The following SNTG1 variants were observed in gnomAD, a reference collection of about 807,000 sequenced individuals.
The protein encoded by SNTG1 is gamma-1-syntrophin.
In SNTG1, 39 loss-of-function variants were observed where a neutral mutation model predicts 74.7. The observed-to-expected ratio is 0.52, with a 90% confidence interval of 0.40 to 0.68. The LOEUF (loss-of-function observed/expected upper bound fraction) is 0.68, where lower values mean the gene tolerates loss of function less well. SNTG1 is among the 30% of genes least tolerant of loss of function. The probability of loss-of-function intolerance (pLI) is 0.00; values close to 1 mark genes in which losing one functional copy is unlikely to be tolerated. For missense variants in SNTG1, 685 were observed against 609.5 expected, an observed-to-expected ratio of 1.12 and a Z score of -1.30; for synonymous variants, 254 against 217.1, an observed-to-expected ratio of 1.17 and a Z score of -1.49.
At chr8:50,075,982 C>G (rs1232148209) in intron 1 of SNTG1, among the ~76,000 whole-genome samples, 6 of 152,186 alleles carry the variant, frequency 3.9e-5, no homozygotes, top group Admixed American at 3.9e-4. Context: ...TTCTTGAAGT[C>G]AGTGAGACCA....
chr8:50,651,936 G>A (rs992554207), intron 13 of SNTG1, among the ~76,000 whole-genome samples: 19 of 151,556 alleles, frequency 1.3e-4, no homozygotes, highest in Admixed American at 1.1e-3. Flanking sequence ...TTTTAGTAGA[G>A]ATGGGGTTTC....
intron 12 of SNTG1, among the ~76,000 whole-genome samples, chr8:50,578,568 T>C (rs2094590004): frequency 6.6e-6 from 1 of 152,200 alleles, no homozygotes; most frequent in African/African-American, 2.4e-5. Context: ...TTATAGTTCC[T>C]ATAATGCCCA....
chr8:50,681,426 A>G (rs1365170952), intron 15 of SNTG1, among the ~76,000 whole-genome samples: 2 of 152,140 alleles, frequency 1.3e-5, no homozygotes, highest in Non-Finnish European at 1.5e-5. Flanking sequence ...AGTAATGTTA[A>G]GTAAATAAAA....
At chr8:50,401,051 A>G (rs991309884) in intron 3 of SNTG1, among the ~76,000 whole-genome samples, 5 of 152,202 alleles carry the variant, frequency 3.3e-5, no homozygotes, top group African/African-American at 1.2e-4. Flanking sequence ...TCAAAACCTC[A>G]CATTGTTTGC....
At chr8:50,199,197 C>T (rs1421962904) in intron 2 of SNTG1, among the ~76,000 whole-genome samples, 1 of 149,764 alleles carries the variant, frequency 6.7e-6, no homozygotes, top group African/African-American at 2.5e-5. Flanking sequence ...TGTTGAAACA[C>T]AACGATTAGG....
intron 1 of SNTG1, among the ~76,000 whole-genome samples, chr8:50,010,161 T>C (rs901195418): frequency 6.6e-6 from 1 of 152,156 alleles, no homozygotes; most frequent in Admixed American, 6.6e-5. Flanking sequence ...CTCTTAGTAG[T>C]CTCCTCTAAT....
intron 1 of SNTG1, among the ~76,000 whole-genome samples, chr8:50,117,944 T>C (rs983725685): frequency 6.6e-6 from 1 of 152,136 alleles, no homozygotes; most frequent in African/African-American, 2.4e-5. Flanking sequence ...CCCTGTAACC[T>C]GGTAAAAGCT....
chr8:50,062,608 A>AT (rs914670074), intron 1 of SNTG1, among the ~76,000 whole-genome samples: 3 of 151,770 alleles, frequency 2.0e-5, no homozygotes, highest in Non-Finnish European at 2.9e-5. Context: ...AATATTTTTT[A>AT]TTTTTTTTAC....
chr8:50,793,529 A>G lies in SNTG1; in HGVS notation c.*700A>G, dbSNP rs964137498. 2 of 152,012 alleles carry G rather than the reference A, an allele frequency of 1.3e-5. No individual in the cohort carries two copies. Among genetic ancestry groups the G allele is most frequent in the Non-Finnish European group, 2.9e-5 (2 of 67,912 alleles). The allele number at this position is 152,012 out of a possible 1,614,324, so 9.4% of individuals were successfully genotyped here. On this transcript the variant is annotated 3_prime_UTR_variant, in exon 19 of 19. Coordinates refer to ENST00000642720, the MANE Select transcript of SNTG1 (RefSeq NM_018967.5). ...TATTGAAATGTCTTATTAGCTGCCA[A>G]AGTCAATCAAATATGCCAACAGTGT... is the stretch of plus-strand genomic sequence containing the variant.
At chr8:50,376,756 T>TATATATATAGAGAGAGAGAGAGAG (rs1381048539) in intron 2 of SNTG1, among the ~76,000 whole-genome samples, 2 of 89,960 alleles carry the variant, frequency 2.2e-5, no homozygotes, top group African/African-American at 4.1e-5. Flanking sequence ...TATATATATA[T>TATATATATAGAGAGAGAGAGAGAG]AGAGAGAGAG....
At chr8:50,297,061 T>A (rs2089417422) in intron 2 of SNTG1, among the ~76,000 whole-genome samples, 2 of 152,208 alleles carry the variant, frequency 1.3e-5, no homozygotes, top group East Asian at 3.9e-4. Context: ...CAGTGCCCGG[T>A]ATATTTTCAT....
intron 3 of SNTG1, among the ~76,000 whole-genome samples, chr8:50,398,406 A>C (rs1467240107): frequency 6.6e-6 from 1 of 152,024 alleles, no homozygotes; most frequent in African/African-American, 2.4e-5. Flanking sequence ...TTGCATCATC[A>C]CGTGGCATGC....
intron 18 of SNTG1, among the ~76,000 whole-genome samples, chr8:50,786,904 A>G (rs187650582): frequency 6.6e-6 from 1 of 151,756 alleles, no homozygotes; most frequent in African/African-American, 2.4e-5. Context: ...CATGGGATTA[A>G]ATTTTTGTAA....
intron 1 of SNTG1, among the ~76,000 whole-genome samples, chr8:50,010,855 G>C (rs1056426704): frequency 8.6e-5 from 12 of 138,950 alleles, no homozygotes; most frequent in Non-Finnish European, 1.7e-4. Flanking sequence ...TGTTGTTTCA[G>C]ATTCCTTTGT....
At chr8:50,057,383 A>G (rs1414139447) in intron 1 of SNTG1, among the ~76,000 whole-genome samples, 1 of 152,074 alleles carries the variant, frequency 6.6e-6, no homozygotes, top group Non-Finnish European at 1.5e-5. Context: ...GAGCCTGTAC[A>G]TTCTTTTTTT....
intron 15 of SNTG1, among the ~76,000 whole-genome samples, chr8:50,660,111 A>G (rs1392036895): frequency 6.6e-6 from 1 of 152,078 alleles, no homozygotes. Context: ...AAGTGTTAGG[A>G]TTACAGGCAT....
At chr8:50,081,014 A>G (rs1822352368) in intron 1 of SNTG1, among the ~76,000 whole-genome samples, 1 of 152,116 alleles carries the variant, frequency 6.6e-6, no homozygotes, top group African/African-American at 2.4e-5. Flanking sequence ...ATAAACTCCA[A>G]TTACAGTGTC....
At chr8:50,777,734 G>T (rs568599332) in intron 18 of SNTG1, among the ~76,000 whole-genome samples, 45 of 149,718 alleles carry the variant, frequency 3.0e-4, no homozygotes, top group African/African-American at 1.1e-3. Context: ...TAAGTTGTAG[G>T]GTACATGTGC....
At chr8:50,663,998 TGTCCCCGAACTCTAA>T (rs773652005) in intron 15 of SNTG1, among the ~76,000 whole-genome samples, 8 of 152,266 alleles carry the variant, frequency 5.3e-5, no homozygotes, top group South Asian at 2.1e-4. Flanking sequence ...GCCCAGATCT[TGTCCCCGAACTCTAA>T]GTATTCAACA....
Sources: gnomAD v4.1 joint callset for allele counts (sites outside exome capture counted in the v4.1 genomes callset) on GRCh38, gnomAD v4.1.1 for gene constraint, MANE v1.5 for transcripts, NCBI Gene and HGNC (gene_info 2026-07-23, HGNC 2026-07-21) for gene names.